DLG2: variants seen among roughly 807,000 people sequenced by gnomAD.
DLG2 encodes the protein discs large MAGUK scaffold protein 2, also known as disks large homolog 2.
DLG2 carries 45 observed loss-of-function variants against 132.5 expected under a neutral mutation model. The observed-to-expected ratio is 0.34, with a 90% confidence interval of 0.27 to 0.44. The LOEUF (loss-of-function observed/expected upper bound fraction) is 0.44, where lower values mean the gene tolerates loss of function less well. DLG2 is among the 20% of genes least tolerant of loss of function. The probability of loss-of-function intolerance (pLI) is 1.00; values close to 1 mark genes in which losing one functional copy is unlikely to be tolerated. For synonymous variants in DLG2, 424 were observed against 419.6 expected (o/e 1.01, Z -0.13); for missense variants, 1,045 against 1,196.9 (o/e 0.87, Z 1.87).
intron 6 of DLG2, among the ~76,000 whole-genome samples, chr11:84,695,192 T>C (rs534869889): frequency 4.6e-5 from 7 of 151,562 alleles, no homozygotes; most frequent in Non-Finnish European, 1.0e-4. Flanking sequence ...TTCTGCAGAA[T>C]AGGCCTAGGC....
At chr11:83,700,696 T>C (rs1234151882) in intron 18 of DLG2, among the ~76,000 whole-genome samples, 2 of 151,894 alleles carry the variant, frequency 1.3e-5, no homozygotes, top group African/African-American at 4.8e-5. Context: ...ATAATACATC[T>C]TGCGGGATTA....
chr11:84,168,826 T>TACACACACACACACACACACACACAC, intron 8 of DLG2, among the ~76,000 whole-genome samples: 1 of 147,994 alleles, frequency 6.8e-6, no homozygotes, highest in Non-Finnish European at 1.5e-5. Flanking sequence ...CACACACACA[T>TACACACACACACACACACACACACAC]ACACACACAC....
intron 3 of DLG2, among the ~76,000 whole-genome samples, chr11:85,500,491 T>C (rs2093773557): frequency 6.7e-6 from 1 of 148,664 alleles, no homozygotes; most frequent in Admixed American, 6.6e-5. Flanking sequence ...TGTATACATA[T>C]GTAACTAACC....
intron 9 of DLG2, among the ~76,000 whole-genome samples, chr11:84,112,440 T>A (rs1008681650): frequency 2.0e-5 from 3 of 151,728 alleles, no homozygotes; most frequent in Non-Finnish European, 4.4e-5. Context: ...TTTTTTTCTA[T>A]TCCAAATCTT....
At chr11:85,275,373 C>A (rs1181800341) in intron 4 of DLG2, among the ~76,000 whole-genome samples, 1 of 152,062 alleles carries the variant, frequency 6.6e-6, no homozygotes, top group Non-Finnish European at 1.5e-5. Context: ...TCTTAAATGA[C>A]AAAGGATTAT....
chr11:84,487,783 A>G (rs780698983), intron 7 of DLG2, among the ~76,000 whole-genome samples: 2 of 152,144 alleles, frequency 1.3e-5, no homozygotes, highest in African/African-American at 4.8e-5. Context: ...GGAAGGCTTC[A>G]CCAAGGAAGT....
intron 3 of DLG2, among the ~76,000 whole-genome samples, chr11:85,429,600 TA>T (rs1458618536): frequency 6.6e-6 from 1 of 151,844 alleles, no homozygotes; most frequent in Non-Finnish European, 1.5e-5. Flanking sequence ...AAAAGACACA[TA>T]AAAAAATGCT....
rs73508216 is a variant in DLG2 at position 83,921,034 on chromosome 11, C to G, written c.1496+9294G>C. Among the ~76,000 whole-genome samples the G allele has an allele frequency of 3.9e-3, 601 of 152,256 alleles. 7 individuals carry two copies. The highest frequency in any genetic ancestry group is 0.014 in the African/African-American group (565 of 41,550). ...TATTTATTAAGCACATTTAAAAACA[C>G]AGACTCTAGTACCAGCCTAGTTAGG... On this transcript the variant is annotated intron_variant, in intron 15 of 27. Transcript: ENST00000376104.
intron 3 of DLG2, among the ~76,000 whole-genome samples, chr11:85,444,937 G>A (rs2091941404): frequency 1.3e-5 from 2 of 152,138 alleles, no homozygotes; most frequent in South Asian, 4.1e-4. Flanking sequence ...TTATAACTTT[G>A]TTTACAAGGT....
intron 11 of DLG2, among the ~76,000 whole-genome samples, chr11:84,032,718 G>T (rs1229158430): frequency 1.3e-5 from 2 of 152,122 alleles, no homozygotes; most frequent in Admixed American, 6.5e-5. Flanking sequence ...TAGGACTTTC[G>T]TAGCTAGAGA....
At chr11:85,263,543 TAC>T (rs1201092343) in intron 4 of DLG2, among the ~76,000 whole-genome samples, 30 of 152,210 alleles carry the variant, frequency 2.0e-4, no homozygotes, top group Non-Finnish European at 2.9e-4. Context: ...ACCTTCAGCC[TAC>T]ACCAGGGAAT....
chr11:83,787,312 GTTTTTTTTTTGTTT>G (rs1382505689), intron 17 of DLG2, among the ~76,000 whole-genome samples: 3 of 69,616 alleles, frequency 4.3e-5, no homozygotes, highest in South Asian at 5.2e-4. Flanking sequence ...CTTAAGCCTT[GTTTTTTTTTTGTTT>G]TTTTTTTTTT....
rs555182434 is a variant in DLG2, at chr11:84,502,168, C to T, written c.519+32402G>A. ...TTCCTTCCTTCCTTCCTTTCTCTCT[C>T]TCTCTCTTTCTCTCTCTTTCTCTCT... On this transcript the variant is annotated intron_variant, in intron 7 of 27. Coordinates refer to ENST00000376104, the MANE Select transcript of DLG2 (RefSeq NM_001142699.3). Among the ~76,000 whole-genome samples the T allele has an allele frequency of 2.4e-3, 79 of 33,528 alleles. 2 individuals carry two copies. Among genetic ancestry groups the T allele is most frequent in the African/African-American group, 4.2e-3 (16 of 3,842 alleles). The allele number at this position is 33,528 out of a possible 152,430, so 22.0% of individuals were successfully genotyped here.
intron 6 of DLG2, among the ~76,000 whole-genome samples, chr11:84,557,006 C>T (rs2099413269): frequency 6.6e-6 from 1 of 152,142 alleles, no homozygotes; most frequent in Non-Finnish European, 1.5e-5. Context: ...ATCTGTCTGC[C>T]TCTCCCCTGA....
chr11:83,558,012 A>G lies in DLG2; in HGVS notation c.1941-16154T>C, dbSNP rs139365021. Among the ~76,000 whole-genome samples, 870 of 152,312 alleles carry G rather than the reference A, an allele frequency of 5.7e-3. 5 individuals are homozygous for G. Among genetic ancestry groups the G allele is most frequent in the African/African-American group, 0.02 (821 of 41,568 alleles). ...ACTCCAAGCAGGAGGACAATATGGAATCTATAAAATAGGCAGAGAAATATG... is the reference window on the plus strand; with the variant it reads ...ACTCCAAGCAGGAGGACAATATGGAGTCTATAAAATAGGCAGAGAAATATG... On this transcript the variant is annotated intron_variant, in intron 19 of 27. Coordinates refer to ENST00000376104, the MANE Select transcript of DLG2 (RefSeq NM_001142699.3).
In DLG2 at chr11:83,963,367, A is replaced by G. The variant is rs2089351803; in HGVS notation, c.1202-344T>C. On this transcript the variant is annotated intron_variant, in intron 13 of 27. Coordinates refer to ENST00000376104, the MANE Select transcript of DLG2 (RefSeq NM_001142699.3). The stretch of plus-strand genomic sequence containing the variant: ...TTAGCTTTCTAATTTCAGAGCTCAC[A>G]TTGTTTTCACATAATTAATATCCAA... 3.3e-5 allele frequency among the ~76,000 whole-genome samples: 5 copies of G among 152,172 alleles called. No individual in the cohort carries two copies. The South Asian group carries it at 1.0e-3, about 31-fold the overall frequency.
At chr11:84,102,317 C>G (rs2092598800) in intron 9 of DLG2, among the ~76,000 whole-genome samples, 1 of 151,876 alleles carries the variant, frequency 6.6e-6, no homozygotes. Flanking sequence ...TTTTTTGGAG[C>G]CTTGTCTAGC....
At chr11:84,092,264 C>A (rs1046619665) in intron 10 of DLG2, among the ~76,000 whole-genome samples, 1 of 152,250 alleles carries the variant, frequency 6.6e-6, no homozygotes, top group Non-Finnish European at 1.5e-5. Context: ...CTGGCTGCCA[C>A]AGACTTGTGG....
intron 6 of DLG2, among the ~76,000 whole-genome samples, chr11:84,836,511 T>C (rs2079800087): frequency 6.6e-6 from 1 of 151,808 alleles, no homozygotes; most frequent in African/African-American, 2.4e-5. Flanking sequence ...ATCAAAGCCC[T>C]TGTCTTTTTA....
Sources: gnomAD v4.1 joint callset for allele counts (sites outside exome capture counted in the v4.1 genomes callset) on GRCh38, gnomAD v4.1.1 for gene constraint, MANE v1.5 for transcripts, NCBI Gene and HGNC (gene_info 2026-07-23, HGNC 2026-07-21) for gene names.